The following NID2 variants were observed in gnomAD, a reference collection of about 807,000 sequenced individuals.
The protein encoded by NID2 is nidogen-2.
Under a neutral mutation model 145.4 loss-of-function variants are expected in NID2, and 83 were observed. The observed-to-expected ratio is 0.57, with a 90% CI of 0.48 to 0.69. The LOEUF (loss-of-function observed/expected upper bound fraction) is 0.69. NID2 is among the 30% of genes least tolerant of loss of function. NID2 has a pLI of 0.00. For missense variants in NID2, 1,807 were observed against 1,765.7 expected (o/e 1.02, Z -0.42); for synonymous variants, 739 against 701.3 (o/e 1.05, Z -0.85).
chr14:52,014,160 G>T, intron 16 of NID2, 127 bp downstream of exon 16: 1 of 1,216,940 alleles, frequency 8.2e-7, no homozygotes, highest in Non-Finnish European at 1.2e-6. Flanking sequence ...CCATGCCGAT[G>T]GGCTGCAGCT....
At chr14:52,042,706 A>G in intron 6 of NID2, 76 bp downstream of exon 6, 1 of 1,458,720 alleles carries the variant, frequency 6.9e-7, no homozygotes, top group Non-Finnish European at 9.5e-7. Context: ...TCCATAAAGC[A>G]GAGCTCACAG....
intron 8 of NID2, 84 bp from the exon 9 acceptor site, chr14:52,039,061 A>G: frequency 2.1e-6 from 2 of 937,732 alleles, no homozygotes; most frequent in Non-Finnish European, 3.2e-6. Flanking sequence ...AGTTTTTTTC[A>G]TCTAATTCTT....
At chr14:52,058,582 G>A (rs951952677) in intron 3 of NID2, among the ~76,000 whole-genome samples, 2 of 152,284 alleles carry the variant, frequency 1.3e-5, no homozygotes, top group African/African-American at 2.4e-5. Flanking sequence ...TGTGTCACAC[G>A]TGATTGTGGA....
Position 52,005,408 on chromosome 14 carries a change from TCTTTGC to T in NID2, c.*72_*77del. 1.4e-6 allele frequency: 2 copies of T among 1,386,288 alleles called. No individual in the cohort carries two copies. The highest frequency in any genetic ancestry group is 1.4e-5 in the African/African-American group (1 of 69,460). The allele number at this position is 1,386,288 out of a possible 1,614,324, so 85.9% of individuals were successfully genotyped here. ...CTAATGGCCAATTCCTTTTTTACTT[TCTTTGC>T]CTTTGCAGTCACTGTTCTTTAGGGT... On this transcript the variant is annotated 3_prime_UTR_variant, in exon 22 of 22. Coordinates refer to ENST00000216286, the MANE Select transcript of NID2 (RefSeq NM_007361.4).
intron 11 of NID2, among the ~76,000 whole-genome samples, chr14:52,027,645 C>CACACACACACAT (rs1204872713): frequency 6.6e-6 from 1 of 151,164 alleles, no homozygotes; most frequent in Admixed American, 6.6e-5. Context: ...CACACACACA[C>CACACACACACAT]ACACACACAC....
chr14:52,047,585 G>A (rs1892548235), intron 5 of NID2, among the ~76,000 whole-genome samples: 1 of 152,148 alleles, frequency 6.6e-6, no homozygotes, highest in Non-Finnish European at 1.5e-5. Flanking sequence ...GTCCCTTGGT[G>A]GTAAGAAGTG....
In NID2 at chr14:52,038,994, G is replaced by C; in HGVS notation, c.2027-17C>G. The C allele has an allele frequency of 6.5e-7, 1 of 1,535,114 alleles. No homozygotes were observed. Among genetic ancestry groups the C allele is most frequent in the Non-Finnish European group, 8.9e-7 (1 of 1,129,134 alleles). On this transcript the variant is annotated splice_polypyrimidine_tract_variant and intron_variant, in intron 8 of 21. Coordinates refer to ENST00000216286, the MANE Select transcript of NID2 (RefSeq NM_007361.4). ...AGGTCACAGCTGCAACAAACACAGT[G>C]GTAATTTTTTAAAAATATTAAATAC... is the stretch of plus-strand genomic sequence containing the variant.
At position 52,027,232 on chromosome 14, in the gene NID2, A is replaced by G; in HGVS notation, c.2643T>C (p.Pro881=). 1 of 1,568,056 alleles carries G rather than the reference A, an allele frequency of 6.4e-7. No homozygotes were observed. The highest frequency in any genetic ancestry group is 8.6e-7 in the Non-Finnish European group (1 of 1,157,890). ...ACTGGTGCCCATCGCCGGCATAACC[A>G]GGCAGGCAGGCACAGCTGAACGTGC... The part of the protein sequence containing the change: ...GGSTFSCACL[P]GYAGDGHQCT... Residue 881 remains proline (P), a synonymous_variant, in exon 12 of 22, where the codon CCT becomes CCC. Coordinates refer to ENST00000216286, the MANE Select transcript of NID2 (RefSeq NM_007361.4).
Position 52,027,254 on chromosome 14 carries a change from G to A in NID2, c.2621C>T (p.Thr874Met), listed in dbSNP as rs200251016. 232 of 1,590,986 alleles carry A rather than the reference G, an allele frequency of 1.5e-4. 4 individuals are homozygous for A. The South Asian group carries it at 2.2e-3, about 15-fold the overall frequency. ...QARCVHHGGS[T>M]FSCACLPGYA... ...ACCAGGCAGGCAGGCACAGCTGAAC[G>A]TGCTGCCTCCATGGTGAACACACCG... Residue 874 changes from threonine to methionine, a missense_variant, in exon 12 of 22, where the codon ACG becomes ATG. By Grantham distance (81) the Thr-to-Met change is moderately conservative. Transcript: ENST00000216286.
At position 52,020,054 on chromosome 14, in the gene NID2, C is replaced by T. The variant is rs1891345571; in HGVS notation, c.2794+5G>A. The T allele has an allele frequency of 6.2e-7, 1 of 1,613,736 alleles. No homozygotes were observed. The highest frequency in any genetic ancestry group is 8.5e-7 in the Non-Finnish European group (1 of 1,179,726). On this transcript the variant is annotated splice_donor_5th_base_variant and intron_variant, in intron 13 of 21. Coordinates refer to ENST00000216286, the MANE Select transcript of NID2 (RefSeq NM_007361.4). The stretch of plus-strand genomic sequence containing the variant: ...ATGTGCCTAATCTGGCCCTCTGAAA[C>T]TTACCAGGTATGCACTGAAATCCAT...
At chr14:52,023,545 T>A (rs564297159) in intron 12 of NID2, among the ~76,000 whole-genome samples, 1 of 152,286 alleles carries the variant, frequency 6.6e-6, no homozygotes, top group South Asian at 2.1e-4. Context: ...GTATCTTCCC[T>A]CAGGCCCCTG....
intron 10 of NID2, among the ~76,000 whole-genome samples, chr14:52,029,308 A>C (rs1891712755): frequency 6.6e-6 from 1 of 152,238 alleles, no homozygotes; most frequent in African/African-American, 2.4e-5. Flanking sequence ...CAGGAACTGC[A>C]ACAGATGTTT....
At position 52,027,350 on chromosome 14, in the gene NID2, A is replaced by G. The variant is rs770099924; in HGVS notation, c.2531-6T>C. On this transcript the variant is annotated splice_polypyrimidine_tract_variant and splice_region_variant and intron_variant, in intron 11 of 21. Coordinates refer to ENST00000216286, the MANE Select transcript of NID2 (RefSeq NM_007361.4). The stretch of plus-strand genomic sequence containing the variant: ...GTTGGCAGGTGGGGTGATCACTGAA[A>G]AGAGAAGAAGATAAGGGCATCCAGA... The G allele has an allele frequency of 1.4e-5, 22 of 1,539,456 alleles. No homozygotes were observed. In the East Asian group the frequency reaches 5.0e-4, roughly 35 times the overall value.
intron 16 of NID2, among the ~76,000 whole-genome samples, chr14:52,013,879 C>T (rs1151581): frequency 0.33 from 50,794 of 152,128 alleles, 9,542 homozygotes; most frequent in East Asian, 0.7. Context: ...CCCCAACAAA[C>T]CGCAGAGATC....
chr14:52,014,954 C>G (rs529146439), intron 15 of NID2, 100 bp downstream of exon 15: 34 of 931,864 alleles, frequency 3.6e-5, no homozygotes, highest in Non-Finnish European at 5.5e-5. Context: ...TTCATTAGAC[C>G]TGGTGACCCC....
chr14:52,059,748 A>C (rs1892965083), intron 3 of NID2, among the ~76,000 whole-genome samples: 1 of 152,242 alleles, frequency 6.6e-6, no homozygotes, highest in African/African-American at 2.4e-5. Context: ...TCTGTCCAAA[A>C]GACTAAATCA....
chr14:52,038,652 A>G lies in NID2; in HGVS notation c.2257+95T>C, dbSNP rs1892160420. ...CCTTATACCTAGCACATAACACAGCATGGCACTAGGTAACCCTTAGTAACC... is the reference window on the plus strand; with the variant it reads ...CCTTATACCTAGCACATAACACAGCGTGGCACTAGGTAACCCTTAGTAACC... On this transcript the variant is annotated intron_variant, in intron 9 of 21. Transcript: ENST00000216286. 4 of 927,730 alleles carry G rather than the reference A, an allele frequency of 4.3e-6. No individual in the cohort carries two copies. The East Asian group carries it at 1.1e-4, about 25-fold the overall frequency. 57.5% of individuals were successfully genotyped at this position (927,730 alleles called of 1,614,324 possible).
At chr14:52,018,385 T>A (rs1018457561) in intron 14 of NID2, among the ~76,000 whole-genome samples, 1 of 152,186 alleles carries the variant, frequency 6.6e-6, no homozygotes, top group African/African-American at 2.4e-5. Context: ...GAAAGTTGCC[T>A]TATCTGCCTG....
In NID2 at chr14:52,028,918, C is replaced by T. The variant is rs58164685; in HGVS notation, c.2402-68G>A. On this transcript the variant is annotated intron_variant, in intron 10 of 21. Coordinates refer to ENST00000216286, the MANE Select transcript of NID2 (RefSeq NM_007361.4). ...GTCCCAGAAGTGGAGGGTCTAAAAA[C>T]TCAATGTTTTCTCACTAGTATGATG... 7,634 of 1,538,240 alleles carry T rather than the reference C, an allele frequency of 5.0e-3. 328 individuals are homozygous for T. In the African/African-American group the frequency reaches 0.088, roughly 18 times the overall value.
Sources: allele counts gnomAD v4.1 joint callset (sites outside exome capture counted in the v4.1 genomes callset), GRCh38; gene constraint gnomAD v4.1.1; transcripts MANE v1.5; gene names NCBI Gene and HGNC (gene_info 2026-07-23, HGNC 2026-07-21).